PLEKHM1: variants seen among roughly 807,000 people sequenced by gnomAD.
The protein encoded by PLEKHM1 is pleckstrin homology and RUN domain containing M1.
PLEKHM1 carries 28 observed loss-of-function variants against 94.3 expected under a neutral mutation model. The observed-to-expected ratio is 0.30, with a 90% confidence interval of 0.22 to 0.41. The LOEUF is 0.41. PLEKHM1 is among the 10% of genes least tolerant of loss of function. The probability of loss-of-function intolerance (pLI) is 1.00; values close to 1 mark genes in which losing one functional copy is unlikely to be tolerated. For synonymous variants in PLEKHM1, 424 were observed against 581.2 expected, an observed-to-expected ratio of 0.73 and a Z score of 3.89; for missense variants, 907 against 1,358.6, an observed-to-expected ratio of 0.67 and a Z score of 5.22.
At chr17:45,464,710 C>A (rs1567787770) in intron 5 of PLEKHM1, among the ~76,000 whole-genome samples, 2 of 152,196 alleles carry the variant, frequency 1.3e-5, no homozygotes, top group Non-Finnish European at 2.9e-5. Context: ...CCCTAAGCAA[C>A]CTTCCAGCAA....
intron 11 of PLEKHM1, among the ~76,000 whole-genome samples, 168 bp from the exon 12 acceptor site, chr17:45,438,137 G>C (rs1427097239): frequency 1.3e-5 from 2 of 152,240 alleles, no homozygotes; most frequent in Non-Finnish European, 2.9e-5. Flanking sequence ...TCTTGAAACA[G>C]TGCTTACCCA....
chr17:45,475,582 C>G lies in PLEKHM1; in HGVS notation c.441G>C (p.Glu147Asp), dbSNP rs1432632732. Residue 147 changes from glutamate (E) to aspartate (D), a missense_variant, in exon 4 of 12, where the codon GAG (glutamate) becomes GAC (aspartate). Around this residue, in one of 3 missense-constraint regions of PLEKHM1, gnomAD observed 176 missense variants for 306.0 expected, o/e 0.58. Transcript: ENST00000430334. ...LLLQEQARLHEYYQPTALLRD... is the reference protein window; with the variant it reads ...LLLQEQARLHDYYQPTALLRD... ...GGAGCAGGGCGGTGGGCTGGTAGTACTCATGCAAGCGGGCCTGCTCCTGCA... is the reference window on the plus strand; with the variant it reads ...GGAGCAGGGCGGTGGGCTGGTAGTAGTCATGCAAGCGGGCCTGCTCCTGCA... 7 of 1,613,948 alleles carry G rather than the reference C, an allele frequency of 4.3e-6. No homozygotes were observed. Among genetic ancestry groups the G allele is most frequent in the Non-Finnish European group, 5.9e-6 (7 of 1,179,868 alleles).
intron 2 of PLEKHM1, 101 bp from the exon 3 acceptor site, chr17:45,478,248 A>G (rs1671211496): frequency 3.1e-6 from 4 of 1,304,478 alleles, no homozygotes; most frequent in Non-Finnish European, 3.3e-6. Context: ...GTGCAACCAC[A>G]TGCACACACA....
At chr17:45,443,010 ATGTGTG>A (rs1257303832) in intron 9 of PLEKHM1, among the ~76,000 whole-genome samples, 1 of 152,184 alleles carries the variant, frequency 6.6e-6, no homozygotes, top group Non-Finnish European at 1.5e-5. Flanking sequence ...GTGTGGCAAC[ATGTGTG>A]TGTGGATGGA....
rs1165019873 is a variant in PLEKHM1, at chr17:45,453,722, C to T, written c.2130G>A (p.Leu710=). 6.2e-7 allele frequency: 1 copy of T among 1,613,966 alleles called. No individual in the cohort carries two copies. The highest frequency in any genetic ancestry group is 8.5e-7 in the Non-Finnish European group (1 of 1,179,850). Residue 710 remains leucine (L), a synonymous_variant, in exon 7 of 12, where the codon CTG becomes CTA. Transcript: ENST00000430334. This position sits in a 1 kb window ranked among gnomAD's most constrained non-coding sequence, Gnocchi z 4.1. ...CATTGTTCCTGATGCGGAAACATTTCAGAGCCTCCAAGGACAGAGAAAATA... is the reference window on the plus strand; with the variant it reads ...CATTGTTCCTGATGCGGAAACATTTTAGAGCCTCCAAGGACAGAGAAAATA... The part of the protein sequence containing the change: ...PYIFSLSLEA[L]KCFRIRNNEK...
At chr17:45,463,534 AGGCTCAC>A (rs1170739116) in intron 5 of PLEKHM1, among the ~76,000 whole-genome samples, 1 of 152,254 alleles carries the variant, frequency 6.6e-6, no homozygotes, top group Non-Finnish European at 1.5e-5. Context: ...CTGGGATAAC[AGGCTCAC>A]GCCATCATGC....
chr17:45,446,828 G>A (rs2050621339), intron 8 of PLEKHM1, among the ~76,000 whole-genome samples: 1 of 152,126 alleles, frequency 6.6e-6, no homozygotes, highest in Non-Finnish European at 1.5e-5. Context: ...ATTGAATCCT[G>A]CCTCCACCAC....
chr17:45,474,134 G>T (rs576617488), intron 4 of PLEKHM1, among the ~76,000 whole-genome samples: 1 of 151,054 alleles, frequency 6.6e-6, no homozygotes, highest in East Asian at 2.0e-4. Context: ...TCAGCTCACT[G>T]CAAGCTCCAC....
intron 6 of PLEKHM1, among the ~76,000 whole-genome samples, chr17:45,457,895 T>C (rs1344465180): frequency 6.6e-6 from 1 of 152,158 alleles, no homozygotes; most frequent in Non-Finnish European, 1.5e-5. Flanking sequence ...TTTTCTATAA[T>C]CATAAATTGC....
At chr17:45,457,984 A>AT (rs2051018393) in intron 6 of PLEKHM1, among the ~76,000 whole-genome samples, 185 bp downstream of exon 6, 1 of 152,112 alleles carries the variant, frequency 6.6e-6, no homozygotes, top group South Asian at 2.1e-4. Flanking sequence ...TTGAGACAAT[A>AT]TACTACTTTT....
chr17:45,455,336 G>A (rs2050914013), intron 6 of PLEKHM1, among the ~76,000 whole-genome samples: 3 of 151,954 alleles, frequency 2.0e-5, no homozygotes, highest in African/African-American at 7.2e-5. Context: ...GGCCTCTCAC[G>A]TTAGAGTGCC....
chr17:45,455,105 T>C (rs1456336824), intron 6 of PLEKHM1, among the ~76,000 whole-genome samples: 4 of 152,204 alleles, frequency 2.6e-5, no homozygotes, highest in African/African-American at 9.7e-5. Flanking sequence ...TCAGCCTGGG[T>C]GACAGAGGAG....
chr17:45,457,051 C>T (rs1291751469), intron 6 of PLEKHM1, among the ~76,000 whole-genome samples: 3 of 151,754 alleles, frequency 2.0e-5, no homozygotes, highest in Non-Finnish European at 2.9e-5. Flanking sequence ...TGTGGCAGTG[C>T]ATGTCTGTAA....
At chr17:45,451,396 G>A (rs1259762427) in intron 7 of PLEKHM1, among the ~76,000 whole-genome samples, 2 of 152,170 alleles carry the variant, frequency 1.3e-5, no homozygotes, top group East Asian at 1.9e-4. Flanking sequence ...GGAGTGGGAT[G>A]TGCCCTGGGC....
chr17:45,439,676 G>A lies in PLEKHM1; in HGVS notation c.2902-42C>T, dbSNP rs372235271. On this transcript the variant is annotated intron_variant, in intron 10 of 11. Coordinates refer to ENST00000430334, the MANE Select transcript of PLEKHM1 (RefSeq NM_014798.3). ...GGAATCCTTCATACACCCCGTCTGC[G>A]ATCTGCGGAGGGCTGGTAAACTGAG... The A allele has an allele frequency of 8.7e-6, 14 of 1,610,596 alleles. No individual in the cohort carries two copies. The Admixed American group carries it at 1.7e-4, about 19-fold the overall frequency.
intron 8 of PLEKHM1, among the ~76,000 whole-genome samples, chr17:45,449,824 A>AG (rs2050719015): frequency 6.7e-6 from 1 of 148,824 alleles, no homozygotes. Context: ...TCAGCCACCT[A>AG]CCTACCTGCC....
In PLEKHM1 at chr17:45,458,775, GT is replaced by G. The variant is rs58499497; in HGVS notation, c.1309-337del. The stretch of plus-strand genomic sequence containing the variant: ...TGTGAGTCACTGTGCCCAGCCTGAA[GT>G]TTTTTTTTTTTTTAAGTCTTTATCT... On this transcript the variant is annotated intron_variant, in intron 5 of 11. Coordinates refer to ENST00000430334, the MANE Select transcript of PLEKHM1 (RefSeq NM_014798.3). Among the ~76,000 whole-genome samples, 840 of 142,594 alleles carry G rather than the reference GT, an allele frequency of 5.9e-3. 6 individuals carry two copies. Among genetic ancestry groups the G allele is most frequent in the African/African-American group, 0.019 (745 of 39,246 alleles). 93.5% of individuals were successfully genotyped at this position (142,594 alleles called of 152,430 possible).
At chr17:45,483,309 C>T (rs2052012707) in intron 1 of PLEKHM1, among the ~76,000 whole-genome samples, 1 of 151,894 alleles carries the variant, frequency 6.6e-6, no homozygotes, top group Non-Finnish European at 1.5e-5. Flanking sequence ...GATGTGGCCA[C>T]CTAAACCTAC....
At chr17:45,435,880 G>A (rs1567752722), downstream of PLEKHM1, 1 of 443,612 alleles carries the variant, frequency 2.3e-6, no homozygotes, top group South Asian at 1.6e-5. Flanking sequence ...GGCAGTGTTA[G>A]AATTCAGAAG....
Sources: gnomAD v4.1 joint callset for allele counts (sites outside exome capture counted in the v4.1 genomes callset) on GRCh38, gnomAD v4.1.1 for gene constraint, gnomAD v4.1.1 regional missense constraint, Gnocchi (gnomAD v3.1) non-coding constraint, MANE v1.5 for transcripts, NCBI Gene and HGNC (gene_info 2026-07-23, HGNC 2026-07-21) for gene names.